Variants in CELF4 observed in about 807,000 individuals in gnomAD.
The protein encoded by CELF4 is CUG-BP- and ETR-3-like factor 4.
CELF4 carries 18 observed loss-of-function variants against 59.9 expected under a neutral mutation model. That is an observed-to-expected ratio of 0.30 (90% CI 0.21 to 0.45). CELF4 has a LOEUF of 0.45. CELF4 is among the 20% of genes least tolerant of loss of function. CELF4 has a pLI of 1.00. For missense variants in CELF4, 456 were observed against 689.0 expected, an observed-to-expected ratio of 0.66 and a Z score of 3.79; for synonymous variants, 261 against 267.1, an observed-to-expected ratio of 0.98 and a Z score of 0.22.
chr18:37,395,663 C>T lies in CELF4; in HGVS notation c.370-73782G>A, dbSNP rs572334711. ...TCATCTTGTTTCTTGCCTGGGGGCA[C>T]GACTCTGTCAAGTGGTAGAGGCGCT... On this transcript the variant is annotated intron_variant, in intron 2 of 12. Transcript: ENST00000420428. Among the ~76,000 whole-genome samples the T allele has an allele frequency of 1.4e-4, 22 of 152,348 alleles. No homozygotes were observed. The South Asian group carries it at 1.7e-3, about 11-fold the overall frequency.
At chr18:37,421,526 C>T (rs770761862) in intron 2 of CELF4, among the ~76,000 whole-genome samples, 1 of 149,378 alleles carries the variant, frequency 6.7e-6, no homozygotes, top group South Asian at 2.2e-4. Context: ...CCCTGATTAA[C>T]GGCCACCCCT....
At chr18:37,465,642 A>G (rs1231130992) in intron 2 of CELF4, among the ~76,000 whole-genome samples, 3 of 152,182 alleles carry the variant, frequency 2.0e-5, no homozygotes, top group African/African-American at 7.2e-5. Flanking sequence ...GTACCATCAG[A>G]GGAGTCTGTG....
At chr18:37,380,828 A>C (rs2099031078) in intron 2 of CELF4, among the ~76,000 whole-genome samples, 1 of 27,310 alleles carries the variant, frequency 3.7e-5, no homozygotes, top group African/African-American at 1.2e-4. Context: ...TCCATCATCT[A>C]TCCTTCTATC....
intron 2 of CELF4, among the ~76,000 whole-genome samples, chr18:37,415,532 T>C (rs553898533): frequency 3.3e-5 from 5 of 152,352 alleles, no homozygotes; most frequent in African/African-American, 7.2e-5. Flanking sequence ...CTCAGGTTTT[T>C]TTCCCCCCAA....
intron 1 of CELF4, among the ~76,000 whole-genome samples, chr18:37,517,337 G>A (rs1452667696): frequency 1.3e-5 from 2 of 152,162 alleles, no homozygotes; most frequent in African/African-American, 4.8e-5. Context: ...AAGGTAATGG[G>A]AAACTGCAAG....
chr18:37,290,367 C>A (rs906326967), intron 3 of CELF4, among the ~76,000 whole-genome samples: 1 of 152,246 alleles, frequency 6.6e-6, no homozygotes, highest in Admixed American at 6.5e-5. Context: ...AAATACAAAT[C>A]CATTTAAAAG....
At chr18:37,322,977 T>A (rs1418656308) in intron 2 of CELF4, among the ~76,000 whole-genome samples, 1 of 152,156 alleles carries the variant, frequency 6.6e-6, no homozygotes, top group Non-Finnish European at 1.5e-5. Flanking sequence ...GGGTGATTTC[T>A]GCATGTCTGT....
intron 2 of CELF4, among the ~76,000 whole-genome samples, chr18:37,404,917 A>T (rs1402026042): frequency 2.6e-5 from 4 of 152,140 alleles, no homozygotes; most frequent in African/African-American, 9.7e-5. Context: ...CATTCTTATT[A>T]GTTCTGTCCC....
intron 2 of CELF4, among the ~76,000 whole-genome samples, chr18:37,368,085 T>A (rs1447573896): frequency 1.3e-5 from 2 of 152,056 alleles, no homozygotes; most frequent in Non-Finnish European, 2.9e-5. Context: ...TGTGGGTCAT[T>A]TGGGTCTCAG....
intron 2 of CELF4, among the ~76,000 whole-genome samples, chr18:37,483,611 A>G (rs1416561433): frequency 2.6e-5 from 4 of 151,952 alleles, no homozygotes; most frequent in Non-Finnish European, 5.9e-5. Context: ...TGGATCTCCC[A>G]GTATGAAGGA....
chr18:37,380,707 T>C, intron 2 of CELF4, among the ~76,000 whole-genome samples: 1 of 150,286 alleles, frequency 6.7e-6, no homozygotes, highest in Non-Finnish European at 1.5e-5. Context: ...CATCTAGTCT[T>C]CTATCCATTC....
chr18:37,277,701 C>A (rs558676862), intron 3 of CELF4, among the ~76,000 whole-genome samples: 26 of 152,154 alleles, frequency 1.7e-4, no homozygotes, highest in Admixed American at 1.7e-3. Flanking sequence ...GAAATGGGAG[C>A]TTTTCCTTCT....
intron 12 of CELF4, among the ~76,000 whole-genome samples, chr18:37,249,653 T>C (rs2064206848): frequency 6.6e-6 from 1 of 152,054 alleles, no homozygotes; most frequent in African/African-American, 2.4e-5. Context: ...AGGCAGCAGC[T>C]CCTCTTCTGC....
At chr18:37,250,693 C>G (rs535982162) in intron 12 of CELF4, among the ~76,000 whole-genome samples, 1 of 152,256 alleles carries the variant, frequency 6.6e-6, no homozygotes, top group East Asian at 1.9e-4. Flanking sequence ...GCTGGCAGTC[C>G]GAGGGCAGCC....
At chr18:37,313,134 G>A (rs1199841987) in intron 3 of CELF4, among the ~76,000 whole-genome samples, 2 of 152,200 alleles carry the variant, frequency 1.3e-5, no homozygotes, top group Non-Finnish European at 2.9e-5. Context: ...ATGCTGGGGT[G>A]GGGTTAGCTC....
chr18:37,538,107 G>A (rs1404314194), intron 1 of CELF4, among the ~76,000 whole-genome samples: 1 of 152,228 alleles, frequency 6.6e-6, no homozygotes, highest in Non-Finnish European at 1.5e-5. Flanking sequence ...GCATCGGGCG[G>A]ACCTTCCGGG....
intron 2 of CELF4, among the ~76,000 whole-genome samples, chr18:37,376,629 T>C (rs1021662165): frequency 6.6e-6 from 1 of 151,950 alleles, no homozygotes; most frequent in African/African-American, 2.4e-5. Flanking sequence ...TCCTCAGGAG[T>C]GTGGGGCTCT....
intron 2 of CELF4, among the ~76,000 whole-genome samples, chr18:37,383,104 G>C (rs1440940797): frequency 1.3e-5 from 2 of 152,178 alleles, no homozygotes; most frequent in Non-Finnish European, 2.9e-5. Flanking sequence ...GTCCAGGCTA[G>C]TCTTCAACTC....
rs994343640 is a variant in CELF4 at position 37,565,301 on chromosome 18, G to C, written c.286+55C>G. The C allele has an allele frequency of 1.3e-5, 19 of 1,457,440 alleles. No homozygotes were observed. The African/African-American group carries it at 2.6e-4, about 20-fold the overall frequency. The allele number at this position is 1,457,440 out of a possible 1,614,324, so 90.3% of individuals were successfully genotyped here. A position where few individuals can be genotyped will look rare whatever the true frequency, so the allele number is the denominator to read the frequency against. On this transcript the variant is annotated intron_variant, in intron 1 of 12. Transcript: ENST00000420428. ...TCGTCAGTCGCCGGCCGGCCGGTCG[G>C]CCCGCCAGCCCGCTCCTGCTCCCCG...
Sources: gnomAD v4.1 joint callset for allele counts (sites outside exome capture counted in the v4.1 genomes callset) on GRCh38, gnomAD v4.1.1 for gene constraint, MANE v1.5 for transcripts, NCBI Gene and HGNC (gene_info 2026-07-23, HGNC 2026-07-21) for gene names.